Variants in STK24 observed in about 807,000 individuals in gnomAD.
The protein encoded by STK24 is serine/threonine kinase 24.
STK24 carries 21 observed loss-of-function variants against 55.6 expected under a neutral mutation model. The observed-to-expected ratio is 0.38, with a 90% CI of 0.27 to 0.54. The LOEUF is 0.54. Among genes scored for constraint, STK24 ranks in the 20% least tolerant of loss-of-function variants. The pLI is 0.79. For missense variants in STK24, 383 were observed against 538.4 expected, an observed-to-expected ratio of 0.71 and a Z score of 2.86; for synonymous variants, 200 against 215.2, an observed-to-expected ratio of 0.93 and a Z score of 0.62.
intron 1 of STK24, among the ~76,000 whole-genome samples, chr13:98,527,682 T>C (rs1435530952): frequency 1.3e-5 from 2 of 152,060 alleles, no homozygotes; most frequent in East Asian, 3.9e-4. Context: ...GCGGGGAGGC[T>C]CCTGGATGCA....
At chr13:98,471,140 G>A (rs1277858605) in intron 5 of STK24, among the ~76,000 whole-genome samples, 9 of 152,226 alleles carry the variant, frequency 5.9e-5, no homozygotes, top group Non-Finnish European at 1.0e-4. Flanking sequence ...TTCCTGAGCC[G>A]TAGGCAGGAG....
intron 1 of STK24, among the ~76,000 whole-genome samples, chr13:98,562,739 C>A (rs540837010): frequency 6.6e-6 from 1 of 151,922 alleles, no homozygotes; most frequent in South Asian, 2.1e-4. Context: ...CGCGGTGAAA[C>A]CCCGTCTCTA....
Position 98,463,659 on chromosome 13 carries a change from C to T in STK24, c.929+32G>A, listed in dbSNP as rs1180563036. The T allele has an allele frequency of 6.2e-6, 10 of 1,600,732 alleles. No homozygotes were observed. In the African/African-American group the frequency reaches 1.2e-4, roughly 19 times the overall value. ...CAAAGACCAGCGGATCCCTCCCACA[C>T]ACATGCTTGGGTCACTCAGGGGCCG... On this transcript the variant is annotated intron_variant, in intron 7 of 10. Transcript: ENST00000539966.
At chr13:98,574,922 A>G (rs1400991256) in intron 1 of STK24, among the ~76,000 whole-genome samples, 1 of 152,188 alleles carries the variant, frequency 6.6e-6, no homozygotes, top group Non-Finnish European at 1.5e-5. Flanking sequence ...TACTGACTTC[A>G]CGGCACCAGC....
At chr13:98,500,376 G>C (rs193114926) in intron 2 of STK24, among the ~76,000 whole-genome samples, 185 of 152,290 alleles carry the variant, frequency 1.2e-3, no homozygotes, top group African/African-American at 4.4e-3. Flanking sequence ...AGAAGGCTCT[G>C]CCATGTCTTG....
intron 2 of STK24, among the ~76,000 whole-genome samples, chr13:98,485,904 G>A (rs938997830): frequency 6.6e-6 from 1 of 152,206 alleles, no homozygotes; most frequent in African/African-American, 2.4e-5. Context: ...CTATGCACCA[G>A]CCATTAATGG....
chr13:98,516,839 G>A (rs1312070685), intron 2 of STK24, among the ~76,000 whole-genome samples: 2 of 152,174 alleles, frequency 1.3e-5, no homozygotes, highest in Non-Finnish European at 2.9e-5. Flanking sequence ...AGTTTACTAC[G>A]GCAGTTGACG....
At chr13:98,470,063 T>G (rs1172093245) in intron 5 of STK24, among the ~76,000 whole-genome samples, 1 of 152,248 alleles carries the variant, frequency 6.6e-6, no homozygotes, top group Admixed American at 6.5e-5. Flanking sequence ...TAGGATGTAC[T>G]CAACAATGTG....
chr13:98,447,440 G>A lies in STK24; in HGVS notation c.*5733C>T, dbSNP rs562526994. ...GTTGAGAGCTGGGTTGATCAAAGTTGGGATTTTGCTATTATTGTGACAAAG... is the reference window on the plus strand; with the variant it reads ...GTTGAGAGCTGGGTTGATCAAAGTTAGGATTTTGCTATTATTGTGACAAAG... On this transcript the variant is annotated 3_prime_UTR_variant, in exon 11 of 11. Coordinates refer to ENST00000539966, the MANE Select transcript of STK24 (RefSeq NM_001032296.4). 32 of 152,548 alleles carry A rather than the reference G, an allele frequency of 2.1e-4. No homozygotes were observed. The highest frequency in any genetic ancestry group is 7.0e-4 in the African/African-American group (29 of 41,568). 9.4% of individuals were successfully genotyped at this position (152,548 alleles called of 1,614,324 possible).
At chr13:98,553,011 A>G (rs1897194224) in intron 1 of STK24, among the ~76,000 whole-genome samples, 1 of 152,102 alleles carries the variant, frequency 6.6e-6, no homozygotes, top group South Asian at 2.1e-4. Flanking sequence ...TGACAAACGT[A>G]CCACTCTGGC....
At position 98,562,191 on chromosome 13, in the gene STK24, A is replaced by G. The variant is rs555271043; in HGVS notation, c.42+14554T>C. On this transcript the variant is annotated intron_variant, in intron 1 of 10. Transcript: ENST00000539966. Reference sequence around the variant, plus strand: ...ATGTGTGTACGCAGACAACTGGCAAATAAAATAGGAAGAACTACATACTCA... The same window carrying G: ...ATGTGTGTACGCAGACAACTGGCAAGTAAAATAGGAAGAACTACATACTCA... Among the ~76,000 whole-genome samples the G allele has an allele frequency of 1.3e-3, 199 of 152,326 alleles. 3 individuals are homozygous for G. The South Asian group carries it at 0.016, about 12-fold the overall frequency.
rs573543852 is a variant in STK24, at chr13:98,502,164, TACTC to T, written c.273+17075_273+17078del. Among the ~76,000 whole-genome samples the T allele has an allele frequency of 1.2e-4, 19 of 152,286 alleles. No homozygotes were observed. The South Asian group carries it at 3.9e-3, about 32-fold the overall frequency. On this transcript the variant is annotated intron_variant, in intron 2 of 10. Transcript: ENST00000539966. Reference sequence around the variant, plus strand: ...ACCCTGCCCTGATCATCCAAGCACTTACTCAGGGTGACATCTGCCTGGTTATTTG... The same window carrying T: ...ACCCTGCCCTGATCATCCAAGCACTTAGGGTGACATCTGCCTGGTTATTTG...
intron 1 of STK24, among the ~76,000 whole-genome samples, chr13:98,556,970 G>C (rs1365723177): frequency 6.6e-6 from 1 of 152,158 alleles, no homozygotes; most frequent in Non-Finnish European, 1.5e-5. Flanking sequence ...CTTACGACCA[G>C]CTGACACACT....
intron 2 of STK24, among the ~76,000 whole-genome samples, chr13:98,514,894 C>G (rs1329842419): frequency 1.3e-5 from 2 of 151,996 alleles, no homozygotes; most frequent in Non-Finnish European, 2.9e-5. Context: ...TAAAAATCTA[C>G]TACATGCCAG....
chr13:98,455,657 G>A (rs1893422988), intron 10 of STK24: 1 of 152,392 alleles, frequency 6.6e-6, no homozygotes, highest in Non-Finnish European at 1.5e-5. Flanking sequence ...GCCTGGGAAT[G>A]GGAAACGTGG....
At position 98,477,865 on chromosome 13, in the gene STK24, A is replaced by G. The variant is rs141467157; in HGVS notation, c.331-2507T>C. 4.9e-4 allele frequency among the ~76,000 whole-genome samples: 75 copies of G among 152,250 alleles called. 5 individuals are homozygous for G. In the East Asian group the frequency reaches 0.014, roughly 29 times the overall value. On this transcript the variant is annotated intron_variant, in intron 3 of 10. Transcript: ENST00000539966. ...TCATTCCCAAAGGGCGCTAAGAGGA[A>G]GAGGTGAGGAACACTCATGGAAAAT... is the stretch of plus-strand genomic sequence containing the variant.
chr13:98,479,468 T>A (rs1018465190), intron 3 of STK24, among the ~76,000 whole-genome samples: 1 of 152,182 alleles, frequency 6.6e-6, no homozygotes, highest in African/African-American at 2.4e-5. Context: ...GCGGAAAAGG[T>A]GGCTGCTAAG....
intron 1 of STK24, among the ~76,000 whole-genome samples, chr13:98,567,181 T>A (rs775173233): frequency 6.6e-6 from 1 of 152,378 alleles, no homozygotes; most frequent in East Asian, 1.9e-4. Context: ...TATGGATTTA[T>A]GGCCAGCGCT....
At chr13:98,517,732 C>CCA (rs1362792843) in intron 2 of STK24, among the ~76,000 whole-genome samples, 1 of 152,220 alleles carries the variant, frequency 6.6e-6, no homozygotes, top group African/African-American at 2.4e-5. Flanking sequence ...ACTGGGTGCA[C>CCA]CACACAGCAA....
Sources: gnomAD v4.1 joint callset for allele counts (sites outside exome capture counted in the v4.1 genomes callset) on GRCh38, gnomAD v4.1.1 for gene constraint, MANE v1.5 for transcripts, NCBI Gene and HGNC (gene_info 2026-07-23, HGNC 2026-07-21) for gene names.